Variants in ROBO2 observed in about 807,000 individuals in gnomAD.
ROBO2 encodes roundabout guidance receptor 2, also known as roundabout homolog 2.
A neutral mutation model predicts 160.8 loss-of-function variants in ROBO2; 53 were observed. The ratio of observed to expected loss-of-function variants is 0.33; its 90% confidence interval spans 0.26 to 0.41. ROBO2 has a LOEUF of 0.41. ROBO2 is among the 10% of genes least tolerant of loss of function. The pLI is 1.00. For missense variants in ROBO2, 1,577 were observed against 1,722.4 expected (o/e 0.92, Z 1.49); for synonymous variants, 664 against 611.7 (o/e 1.09, Z -1.26).
Position 76,821,122 on chromosome 3 carries a change from T to C in ROBO2, c.110-276892T>C, listed in dbSNP as rs2066085319. Among the ~76,000 whole-genome samples the C allele has an allele frequency of 2.0e-5, 3 of 151,988 alleles. No individual in the cohort carries two copies. In the South Asian group the frequency reaches 6.2e-4, roughly 31 times the overall value. On this transcript the variant is annotated intron_variant, in intron 2 of 26. Transcript: ENST00000487694. ...TCAGGAAATAATCTTCTGCGTATTG[T>C]CAAAACAATCGAAAAAATAAACACT...
chr3:77,287,626 T>C (rs142756320), intron 2 of ROBO2, among the ~76,000 whole-genome samples: 11 of 152,240 alleles, frequency 7.2e-5, no homozygotes, highest in African/African-American at 2.6e-4. Context: ...GCTTTATATG[T>C]GGGAGATGGA....
At chr3:76,321,579 T>C (rs566178687) in intron 2 of ROBO2, among the ~76,000 whole-genome samples, 1 of 152,322 alleles carries the variant, frequency 6.6e-6, no homozygotes, top group South Asian at 2.1e-4. Context: ...ACTTGACTAA[T>C]GTTACATGGT....
In ROBO2 at chr3:77,106,570, A is replaced by G. The variant is rs1393896309; in HGVS notation, c.388+8230A>G. On this transcript the variant is annotated intron_variant, in intron 2 of 25. Transcript: ENST00000461745. ...GTTACACTTCTTTTAAGCATGAGTC[A>G]GTATATATGATAAGGCCTTTACAGA... Among the ~76,000 whole-genome samples, 4 of 152,194 alleles carry G rather than the reference A, an allele frequency of 2.6e-5. No individual in the cohort carries two copies. The East Asian group carries it at 5.8e-4, about 22-fold the overall frequency.
chr3:76,210,412 G>C (rs1703069071), intron 2 of ROBO2, among the ~76,000 whole-genome samples: 1 of 151,942 alleles, frequency 6.6e-6, no homozygotes, highest in Admixed American at 6.6e-5. Flanking sequence ...AGCCATAATT[G>C]ATATTTTTGT....
chr3:76,700,327 G>A (rs1384025042), intron 2 of ROBO2, among the ~76,000 whole-genome samples: 10 of 151,998 alleles, frequency 6.6e-5, no homozygotes, highest in South Asian at 6.2e-4. Context: ...CCCAAAGAGC[G>A]ATGTTTCATA....
intron 2 of ROBO2, among the ~76,000 whole-genome samples, chr3:76,876,281 T>TA (rs1477413264): frequency 6.6e-6 from 1 of 152,066 alleles, no homozygotes; most frequent in Non-Finnish European, 1.5e-5. Flanking sequence ...GTACTAAGAG[T>TA]AATGGAAGTT....
At position 76,826,844 on chromosome 3, in the gene ROBO2, T is replaced by C. The variant is rs148238759; in HGVS notation, c.110-271170T>C. 1.2e-4 allele frequency among the ~76,000 whole-genome samples: 18 copies of C among 152,304 alleles called. 1 individual carries two copies. The East Asian group carries it at 3.1e-3, about 26-fold the overall frequency. On this transcript the variant is annotated intron_variant, in intron 2 of 26. Coordinates refer to the ROBO2 transcript ENST00000487694. Reference sequence around the variant, plus strand: ...TTTAGCTTGTCAAAGTGTTTTCAAATAGCCCAGAAGTAAGAGCAAAGTAGA... The same window carrying C: ...TTTAGCTTGTCAAAGTGTTTTCAAACAGCCCAGAAGTAAGAGCAAAGTAGA...
At chr3:76,530,362 T>C (rs2108041177) in intron 2 of ROBO2, among the ~76,000 whole-genome samples, 1 of 152,272 alleles carries the variant, frequency 6.6e-6, no homozygotes, top group South Asian at 2.1e-4. Flanking sequence ...GCCTTGGAAT[T>C]TGGAGACACT....
chr3:76,722,051 T>C (rs1403314173), intron 2 of ROBO2, among the ~76,000 whole-genome samples: 1 of 152,140 alleles, frequency 6.6e-6, no homozygotes, highest in Non-Finnish European at 1.5e-5. Flanking sequence ...AGGTTAATAG[T>C]AATGCCTCTG....
intron 2 of ROBO2, among the ~76,000 whole-genome samples, chr3:76,881,803 G>A (rs538749618): frequency 5.3e-5 from 8 of 152,194 alleles, no homozygotes; most frequent in Non-Finnish European, 7.3e-5. Context: ...CTTGGCTATG[G>A]CAGAATGTGT....
chr3:76,465,596 G>C (rs1343589771), intron 2 of ROBO2, among the ~76,000 whole-genome samples: 1 of 152,016 alleles, frequency 6.6e-6, no homozygotes, highest in Non-Finnish European at 1.5e-5. Flanking sequence ...TCTACATGTA[G>C]ATAATTGAGA....
chr3:76,798,203 A>G (rs1373734568), intron 2 of ROBO2, among the ~76,000 whole-genome samples: 10 of 146,714 alleles, frequency 6.8e-5, no homozygotes, highest in African/African-American at 2.4e-4. Context: ...AGAAGAAAGA[A>G]AGAGAAAGAG....
intron 2 of ROBO2, among the ~76,000 whole-genome samples, chr3:77,393,303 A>G (rs933221712): frequency 1.1e-4 from 16 of 152,204 alleles, no homozygotes; most frequent in Admixed American, 9.8e-4. Flanking sequence ...ACAGAAATTT[A>G]TATTTGGTCT....
At chr3:76,481,443 G>A (rs2079199874) in intron 2 of ROBO2, among the ~76,000 whole-genome samples, 1 of 152,166 alleles carries the variant, frequency 6.6e-6, no homozygotes, top group Admixed American at 6.6e-5. Flanking sequence ...AACATGAGAA[G>A]ATAATGTGCA....
At chr3:76,171,664 C>T (rs1294107604) in intron 2 of ROBO2, among the ~76,000 whole-genome samples, 1 of 151,870 alleles carries the variant, frequency 6.6e-6, no homozygotes, top group Non-Finnish European at 1.5e-5. Context: ...GGTAGGTGCA[C>T]ATGCGTAAGA....
At chr3:76,898,615 T>G (rs1443558823) in intron 2 of ROBO2, among the ~76,000 whole-genome samples, 2 of 152,130 alleles carry the variant, frequency 1.3e-5, no homozygotes, top group Non-Finnish European at 2.9e-5. Context: ...ATTCTCAATT[T>G]GAAGTTCAGA....
At chr3:77,271,037 C>T (rs542946268) in intron 2 of ROBO2, among the ~76,000 whole-genome samples, 20 of 151,244 alleles carry the variant, frequency 1.3e-4, no homozygotes, top group Admixed American at 2.0e-4. Flanking sequence ...TTTACCAATG[C>T]ACATATAGGG....
chr3:76,122,198 A>C (rs755368296), intron 2 of ROBO2, among the ~76,000 whole-genome samples: 31 of 151,904 alleles, frequency 2.0e-4, no homozygotes, highest in Admixed American at 3.9e-4. Flanking sequence ...TGGAAAGAAA[A>C]AATTTAGAGT....
intron 2 of ROBO2, among the ~76,000 whole-genome samples, chr3:76,035,794 A>G (rs1421818399): frequency 1.3e-5 from 2 of 152,018 alleles, no homozygotes; most frequent in East Asian, 3.9e-4. Context: ...TCAAAAAGTG[A>G]CAGTCTTGAT....
Sources: allele counts gnomAD v4.1 joint callset (sites outside exome capture counted in the v4.1 genomes callset), GRCh38; gene constraint gnomAD v4.1.1; transcripts MANE v1.5; gene names NCBI Gene and HGNC (gene_info 2026-07-23, HGNC 2026-07-21).